USP20: variants seen among roughly 807,000 people sequenced by gnomAD.
USP20 encodes the protein ubiquitin specific peptidase 20, also known as ubiquitin carboxyl-terminal hydrolase 20.
In USP20, 80 loss-of-function variants were observed where a neutral mutation model predicts 124.2. The ratio of observed to expected loss-of-function variants is 0.64; its 90% CI spans 0.54 to 0.78. The LOEUF (loss-of-function observed/expected upper bound fraction) is 0.78. Ranked by LOEUF, USP20 falls within the 30% of genes least tolerant of loss-of-function variation. The pLI is 0.00. For missense variants in USP20, 1,043 were observed against 1,244.4 expected, an observed-to-expected ratio of 0.84 and a Z score of 2.44; for synonymous variants, 481 against 512.3, an observed-to-expected ratio of 0.94 and a Z score of 0.83.
chr9:129,846,245 ATATTTTTTTT>A lies in USP20; in HGVS notation c.-128-3566_-128-3557del, dbSNP rs1221217199. On this transcript the variant is annotated intron_variant, in intron 1 of 25. Coordinates refer to ENST00000372429, the MANE Select transcript of USP20 (RefSeq NM_001110303.4). ...CGCCCAGCCATATATATATATATAT[ATATTTTTTTT>A]TTTTTTTTTTTTTTTTTTGAGATAG... 3.9e-4 allele frequency among the ~76,000 whole-genome samples: 17 copies of A among 43,400 alleles called. 1 individual carries two copies. Among genetic ancestry groups the A allele is most frequent in the African/African-American group, 1.4e-3 (17 of 12,164 alleles). The allele number at this position is 43,400 out of a possible 152,430, so 28.5% of individuals were successfully genotyped here.
chr9:129,861,914 G>A (rs2033569690), intron 8 of USP20, among the ~76,000 whole-genome samples: 1 of 152,192 alleles, frequency 6.6e-6, no homozygotes, highest in South Asian at 2.1e-4. Context: ...TGCAGCAAGT[G>A]CAGGAAAAAT....
chr9:129,876,296 G>A (rs2034406610), intron 22 of USP20, 58 bp downstream of exon 22: 1 of 1,434,322 alleles, frequency 7.0e-7, no homozygotes, highest in African/African-American at 1.4e-5. Context: ...GGGGCAGCTG[G>A]GGACTTGGGG....
rs1486958695 is a variant in USP20, at chr9:129,879,472, G to A, written c.2513-101G>A. On this transcript the variant is annotated intron_variant, in intron 23 of 25. Coordinates refer to ENST00000372429, the MANE Select transcript of USP20 (RefSeq NM_001110303.4). This position sits in a 1 kb window ranked among gnomAD's most constrained non-coding sequence, Gnocchi z 4.2. ...CCTCATCCATTAGAGACTTCACGCT[G>A]ACCCCCAGGCCTGGGGCGGCCCCAC... is the stretch of plus-strand genomic sequence containing the variant. The A allele has an allele frequency of 1.6e-6, 2 of 1,216,568 alleles. No individual in the cohort carries two copies. The highest frequency in any genetic ancestry group is 2.3e-5 in the East Asian group (1 of 42,582). The allele number at this position is 1,216,568 out of a possible 1,614,324, so 75.4% of individuals were successfully genotyped here.
At chr9:129,860,899 C>G (rs372095388) in intron 6 of USP20, 38 bp from the exon 7 acceptor site, 12 of 1,603,892 alleles carry the variant, frequency 7.5e-6, no homozygotes, top group South Asian at 2.2e-5. Context: ...CCCAGCCCCT[C>G]TGTTCACTGT....
In USP20 at chr9:129,879,331, G is replaced by T; in HGVS notation, c.2513-242G>T. The T allele has an allele frequency of 1.9e-6, 1 of 530,332 alleles. No homozygotes were observed. Among genetic ancestry groups the T allele is most frequent in the Non-Finnish European group, 3.4e-6 (1 of 296,928 alleles). The allele number at this position is 530,332 out of a possible 1,614,324, so 32.9% of individuals were successfully genotyped here. On this transcript the variant is annotated intron_variant, in intron 23 of 25. Coordinates refer to ENST00000372429, the MANE Select transcript of USP20 (RefSeq NM_001110303.4). The surrounding 1 kb of genome is among the most constrained non-coding windows in gnomAD (Gnocchi z 4.2). Reference sequence around the variant, plus strand: ...GCTGCCAGCAGAGATAAGGGCATGGGCCATCCACCGCAGCTCCTGCGGCCA... The same window carrying T: ...GCTGCCAGCAGAGATAAGGGCATGGTCCATCCACCGCAGCTCCTGCGGCCA...
rs550432767 is a variant in USP20 at position 129,844,613 on chromosome 9, G to A, written c.-128-5200G>A. On this transcript the variant is annotated intron_variant, in intron 1 of 25. Transcript: ENST00000372429. ...CACTCCAGCCTGGGTGACAGAGCGC[G>A]ACTCTGTCTCAAAAAAAAAAAAAAA... 9.2e-5 allele frequency among the ~76,000 whole-genome samples: 11 copies of A among 119,776 alleles called. No individual in the cohort carries two copies. In the East Asian group the frequency reaches 2.6e-3, roughly 29 times the overall value. 78.6% of individuals were successfully genotyped at this position (119,776 alleles called of 152,430 possible).
At chr9:129,856,797 C>T (rs528823182) in intron 4 of USP20, among the ~76,000 whole-genome samples, 3 of 152,266 alleles carry the variant, frequency 2.0e-5, no homozygotes, top group East Asian at 1.9e-4. Flanking sequence ...CAACCGTCCC[C>T]GCCTCATGGG....
Position 129,875,218 on chromosome 9 carries a change from G to A in USP20, c.2049-92G>A, listed in dbSNP as rs561108195. ...GACCCAGGAGGTGGTGGACAGGGCC[G>A]GTAGCCCGAGGTGCACTGGGATGGG... On this transcript the variant is annotated intron_variant, in intron 19 of 25. Transcript: ENST00000372429. 7 of 1,382,972 alleles carry A rather than the reference G, an allele frequency of 5.1e-6. No individual in the cohort carries two copies. The South Asian group carries it at 7.1e-5, about 14-fold the overall frequency. 85.7% of individuals were successfully genotyped at this position (1,382,972 alleles called of 1,614,324 possible).
At position 129,839,321 on chromosome 9, in the gene USP20, A is replaced by T. The variant is rs1159008349; in HGVS notation, c.-129+3822A>T. On this transcript the variant is annotated intron_variant, in intron 1 of 25. Coordinates refer to ENST00000372429, the MANE Select transcript of USP20 (RefSeq NM_001110303.4). This position sits in a 1 kb window ranked among gnomAD's most constrained non-coding sequence, Gnocchi z 4.5. ...TCACATGTGAGAACACCAGACTAAG[A>T]TGTTAGTGTCAGTTCCAATATTCAG... Among the ~76,000 whole-genome samples, 1 of 152,096 alleles carries T rather than the reference A, an allele frequency of 6.6e-6. No homozygotes were observed. Among genetic ancestry groups the T allele is most frequent in the Non-Finnish European group, 1.5e-5 (1 of 68,030 alleles).
At chr9:129,844,875 A>G (rs371563529) in intron 1 of USP20, among the ~76,000 whole-genome samples, 1 of 151,816 alleles carries the variant, frequency 6.6e-6, no homozygotes, top group South Asian at 2.1e-4. Context: ...CATGGAGGTA[A>G]ATGAGGCAAA....
intron 19 of USP20, 71 bp downstream of exon 19, chr9:129,875,026 G>C (rs1267786394): frequency 1.3e-6 from 2 of 1,577,388 alleles, no homozygotes; most frequent in Non-Finnish European, 1.7e-6. Flanking sequence ...GGCCTTCTGG[G>C]TGTGTGTAGG....
intron 3 of USP20, 38 bp downstream of exon 3, chr9:129,852,674 C>T (rs2032991687): frequency 6.5e-7 from 1 of 1,550,258 alleles, no homozygotes; most frequent in Non-Finnish European, 8.7e-7. Context: ...GGCCCACACC[C>T]AGGGCTGCCT....
chr9:129,862,586 C>T (rs1297108798), intron 8 of USP20, among the ~76,000 whole-genome samples: 1 of 150,132 alleles, frequency 6.7e-6, no homozygotes, highest in Non-Finnish European at 1.5e-5. Context: ...GCACCCAATC[C>T]GTTTTAACTT....
At chr9:129,841,560 T>G (rs2032214519) in intron 1 of USP20, among the ~76,000 whole-genome samples, 1 of 152,172 alleles carries the variant, frequency 6.6e-6, no homozygotes. Flanking sequence ...CCCCCCACAT[T>G]GACCCACAAT....
At position 129,839,577 on chromosome 9, in the gene USP20, G is replaced by T. The variant is rs761152795; in HGVS notation, c.-129+4078G>T. 2.2e-4 allele frequency among the ~76,000 whole-genome samples: 34 copies of T among 151,992 alleles called. No homozygotes were observed. Among genetic ancestry groups the T allele is most frequent in the Admixed American group, 2.0e-4 (3 of 15,272 alleles). ...ACAGCAGGAGGGAGAGAAAGGGTGT[G>T]CGAGGGCCAGAGGGGACTGTGGAGG... is the stretch of plus-strand genomic sequence containing the variant. On this transcript the variant is annotated intron_variant, in intron 1 of 25. Coordinates refer to ENST00000372429, the MANE Select transcript of USP20 (RefSeq NM_001110303.4). This position sits in a 1 kb window ranked among gnomAD's most constrained non-coding sequence, Gnocchi z 4.5.
chr9:129,860,920 T>C lies in USP20; in HGVS notation c.331-17T>C. The C allele has an allele frequency of 6.2e-7, 1 of 1,612,654 alleles. No homozygotes were observed. Among genetic ancestry groups the C allele is most frequent in the Admixed American group, 1.7e-5 (1 of 60,006 alleles). On this transcript the variant is annotated splice_polypyrimidine_tract_variant and intron_variant, in intron 6 of 25. Coordinates refer to ENST00000372429, the MANE Select transcript of USP20 (RefSeq NM_001110303.4). ...CCCTCTGTTCACTGTTTTCCTCACT[T>C]TGGGTCTTTAACACAGGACTCCCCG...
intron 1 of USP20, among the ~76,000 whole-genome samples, chr9:129,836,571 G>C (rs960516060): frequency 1.3e-5 from 2 of 152,128 alleles, no homozygotes; most frequent in African/African-American, 4.8e-5. Context: ...GGGCCGATGG[G>C]GGCTGTCTGG....
chr9:129,857,936 G>T, intron 4 of USP20, 114 bp from the exon 5 acceptor site: 2 of 890,000 alleles, frequency 2.2e-6, no homozygotes, highest in Non-Finnish European at 1.8e-6. Context: ...TCAGTCCCTT[G>T]TGGCCCCTAT....
chr9:129,846,658 T>C (rs1373494031), intron 1 of USP20, among the ~76,000 whole-genome samples: 1 of 151,218 alleles, frequency 6.6e-6, no homozygotes, highest in Admixed American at 6.6e-5. Flanking sequence ...AGTTTTGCTC[T>C]TGTCACCCAG....
Sources: gnomAD v4.1 joint callset for allele counts (sites outside exome capture counted in the v4.1 genomes callset) on GRCh38, gnomAD v4.1.1 for gene constraint, Gnocchi (gnomAD v3.1) non-coding constraint, MANE v1.5 for transcripts, NCBI Gene and HGNC (gene_info 2026-07-23, HGNC 2026-07-21) for gene names.